The following NF1 variants were observed in gnomAD, a reference collection of about 807,000 sequenced individuals.
NF1 encodes the protein neurofibromin 1.
NF1 carries 122 observed loss-of-function variants against 325.7 expected under a neutral mutation model. The observed-to-expected ratio is 0.37, with a 90% CI of 0.32 to 0.44. The LOEUF is 0.44. Among genes scored for constraint, NF1 ranks in the 20% least tolerant of loss-of-function variants. The pLI, the probability that NF1 is intolerant of heterozygous loss-of-function variation, is 1.00. For synonymous variants in NF1, 1,091 were observed against 1,186.0 expected, an observed-to-expected ratio of 0.92 and a Z score of 1.65; for missense variants, 2,140 against 3,415.4, an observed-to-expected ratio of 0.63 and a Z score of 9.31.
intron 14 of NF1, among the ~76,000 whole-genome samples, chr17:31,220,079 G>A (rs770954929): frequency 6.6e-6 from 1 of 152,118 alleles, no homozygotes; most frequent in Non-Finnish European, 1.5e-5. Context: ...CTGCTAAGTC[G>A]TGTGGTAACT....
intron 36 of NF1, among the ~76,000 whole-genome samples, chr17:31,286,898 A>C (rs528296095): frequency 1.3e-5 from 2 of 152,318 alleles, no homozygotes; most frequent in East Asian, 3.9e-4. Flanking sequence ...CTGTTGAGGC[A>C]AGCATTTGAC....
intron 36 of NF1, among the ~76,000 whole-genome samples, chr17:31,290,614 C>A (rs1289996898): frequency 6.6e-6 from 1 of 152,188 alleles, no homozygotes; most frequent in African/African-American, 2.4e-5. Context: ...TACCTGTGCT[C>A]TCATTGTGCT....
chr17:31,174,747 TAA>T (rs1184302888), intron 5 of NF1, among the ~76,000 whole-genome samples: 2 of 152,084 alleles, frequency 1.3e-5, no homozygotes, highest in Non-Finnish European at 2.9e-5. Flanking sequence ...CAAAAAGAAT[TAA>T]GTGTATCATA....
chr17:31,127,300 T>C (rs1164148575), intron 1 of NF1, among the ~76,000 whole-genome samples: 2 of 152,172 alleles, frequency 1.3e-5, no homozygotes, highest in Non-Finnish European at 2.9e-5. Flanking sequence ...CAAAAAATGA[T>C]ACTGGGATTT....
intron 12 of NF1, among the ~76,000 whole-genome samples, 153 bp from the exon 13 acceptor site, chr17:31,214,298 G>C (rs574924178): frequency 6.6e-6 from 1 of 152,054 alleles, no homozygotes; most frequent in South Asian, 2.1e-4. Flanking sequence ...CTGACCTTAT[G>C]CTTACTATTG....
chr17:31,117,391 G>A (rs927215542), intron 1 of NF1, among the ~76,000 whole-genome samples: 10 of 150,852 alleles, frequency 6.6e-5, no homozygotes, highest in Non-Finnish European at 1.2e-4. Flanking sequence ...AGTGATTTGC[G>A]GCCAGGCGCG....
At chr17:31,236,145 T>C (rs2067200094) in intron 29 of NF1, 124 bp downstream of exon 29, 6 of 699,688 alleles carry the variant, frequency 8.6e-6, no homozygotes, top group African/African-American at 5.4e-5. Context: ...TTTTTAATTA[T>C]AAAAGTTATA....
Position 31,220,347 on chromosome 17 carries a change from C to T in NF1, c.1641+1229C>T, listed in dbSNP as rs149939531. On this transcript the variant is annotated intron_variant, in intron 14 of 57. Transcript: ENST00000358273. ...CATTTGTGTACATTGCTATTGGTCC[C>T]GTAAATTGATACATTTCTTGTAGTC... 1.3e-4 allele frequency among the ~76,000 whole-genome samples: 20 copies of T among 152,162 alleles called. No individual in the cohort carries two copies. In the East Asian group the frequency reaches 2.5e-3, roughly 19 times the overall value.
chr17:31,300,373 T>C (rs959914304), intron 36 of NF1, among the ~76,000 whole-genome samples: 2 of 152,134 alleles, frequency 1.3e-5, no homozygotes, highest in Non-Finnish European at 2.9e-5. Context: ...TGGTATGTTC[T>C]TATCCCCCCT....
intron 47 of NF1, among the ~76,000 whole-genome samples, chr17:31,341,153 G>T (rs2069811720): frequency 6.6e-6 from 1 of 152,068 alleles, no homozygotes. Flanking sequence ...AGTAGATAAG[G>T]AAGTTGGAGA....
intron 51 of NF1, among the ~76,000 whole-genome samples, chr17:31,353,488 G>A (rs940215050): frequency 5.3e-5 from 8 of 152,036 alleles, no homozygotes; most frequent in African/African-American, 1.7e-4. Flanking sequence ...AAACTTAGCT[G>A]GGCATGGTGA....
At chr17:31,121,462 A>G (rs542571840) in intron 1 of NF1, among the ~76,000 whole-genome samples, 67 of 142,994 alleles carry the variant, frequency 4.7e-4, no homozygotes, top group Non-Finnish European at 7.7e-4. Flanking sequence ...GTGCAGAGGC[A>G]CAATCTTGGC....
At position 31,182,560 on chromosome 17, in the gene NF1, ACG is replaced by A; in HGVS notation, c.784_785del (p.Arg262Ter). On this transcript the variant is annotated frameshift_variant, in exon 8 of 58. Transcript: ENST00000358273. LOFTEE classifies it high-confidence loss of function. Reference sequence around the variant, plus strand: ...TGGATGGTTTTGCTGAAAGCACCAAACGTAAAGCAGCAGTTTGGCCACTACAA... The same window carrying A: ...TGGATGGTTTTGCTGAAAGCACCAAATAAAGCAGCAGTTTGGCCACTACAA... ...LVDGFAESTKRKAAVWPLQII... is the reference protein window; with the variant it reads ...LVDGFAESTKXKAAVWPLQII... The A allele has an allele frequency of 6.2e-7, 1 of 1,614,102 alleles. No homozygotes were observed. Among genetic ancestry groups the A allele is most frequent in the Non-Finnish European group, 8.5e-7 (1 of 1,179,956 alleles).
At chr17:31,206,457 AT>A (rs2143917133) in intron 12 of NF1, 86 bp downstream of exon 12, 1 of 1,512,932 alleles carries the variant, frequency 6.6e-7, no homozygotes, top group Non-Finnish European at 9.2e-7. Flanking sequence ...TGCTTTGGTT[AT>A]TTTAGAGAAT....
At chr17:31,102,736 CAA>C (rs112263662) in intron 1 of NF1, among the ~76,000 whole-genome samples, 15 of 127,028 alleles carry the variant, frequency 1.2e-4, no homozygotes, top group African/African-American at 1.4e-4. Flanking sequence ...CCCTGTCTTC[CAA>C]AAAAAAAAAA....
chr17:31,187,198 T>C (rs1263738728), intron 8 of NF1, among the ~76,000 whole-genome samples: 13 of 152,018 alleles, frequency 8.6e-5, no homozygotes, highest in African/African-American at 3.1e-4. Context: ...GAATTCACTG[T>C]TTTTGTTTGT....
chr17:31,344,863 A>G (rs766652428), intron 48 of NF1, among the ~76,000 whole-genome samples: 18 of 152,240 alleles, frequency 1.2e-4, no homozygotes, highest in Non-Finnish European at 2.2e-4. Flanking sequence ...GCTTGAGGCC[A>G]AGAGTTCAAG....
chr17:31,181,432 T>C lies in NF1; in HGVS notation c.597T>C (p.Phe199=). Residue 199 remains phenylalanine, a synonymous_variant, in exon 6 of 58, where the codon TTT becomes TTC. Coordinates refer to ENST00000358273, the MANE Select transcript of NF1 (RefSeq NM_001042492.3). ...KLKRLLKETA[F]KFKALKKVAQ... is the part of the protein sequence containing the mutation. Reference sequence around the variant, plus strand: ...TTGTGTTTTTTCCAGAAACAGCATTTAAATTTAAAGCCCTAAAGAAGGTTG... The same window carrying C: ...TTGTGTTTTTTCCAGAAACAGCATTCAAATTTAAAGCCCTAAAGAAGGTTG... The C allele has an allele frequency of 6.2e-7, 1 of 1,613,392 alleles. No homozygotes were observed. The highest frequency in any genetic ancestry group is 8.5e-7 in the Non-Finnish European group (1 of 1,179,586).
chr17:31,181,795 C>A lies in NF1; in HGVS notation c.730+10C>A, dbSNP rs750468471. ...CAGACTGATATGGCTGGTAAGGATA[C>A]GATTGATTTTTTTTTTTTTTTTGTC... is the stretch of plus-strand genomic sequence containing the variant. On this transcript the variant is annotated intron_variant, in intron 7 of 57. Coordinates refer to ENST00000358273, the MANE Select transcript of NF1 (RefSeq NM_001042492.3). The A allele has an allele frequency of 3.2e-6, 5 of 1,546,992 alleles. No individual in the cohort carries two copies. The highest frequency in any genetic ancestry group is 2.3e-5 in the South Asian group (2 of 86,508).
Sources: gnomAD v4.1 joint callset for allele counts (sites outside exome capture counted in the v4.1 genomes callset) on GRCh38, gnomAD v4.1.1 for gene constraint, MANE v1.5 for transcripts, NCBI Gene and HGNC (gene_info 2026-07-23, HGNC 2026-07-21) for gene names.